The following TBXAS1 variants were observed in gnomAD, a reference collection of about 807,000 sequenced individuals.
TBXAS1 encodes thromboxane A synthase 1, also known as thromboxane-A synthase.
Under a neutral mutation model 60.7 loss-of-function variants are expected in TBXAS1, and 48 were observed. The ratio of observed to expected loss-of-function variants is 0.79; its 90% CI spans 0.63 to 1.01. The LOEUF (loss-of-function observed/expected upper bound fraction) is 1.01. Ranked by LOEUF, TBXAS1 falls within the 50% of genes least tolerant of loss-of-function variation. The probability of loss-of-function intolerance (pLI) is 0.00; values close to 1 mark genes in which losing one functional copy is unlikely to be tolerated. For synonymous variants in TBXAS1, 287 were observed against 269.7 expected, an observed-to-expected ratio of 1.06 and a Z score of -0.63; for missense variants, 685 against 686.3, an observed-to-expected ratio of 1.00 and a Z score of 0.02.
At chr7:139,940,602 G>A (rs1423110789) in intron 5 of TBXAS1, among the ~76,000 whole-genome samples, 1 of 151,956 alleles carries the variant, frequency 6.6e-6, no homozygotes, top group African/African-American at 2.4e-5. Context: ...CTCCAGGCTC[G>A]AAGGACCTGG....
At chr7:139,952,201 G>A (rs972937222) in intron 5 of TBXAS1, among the ~76,000 whole-genome samples, 4 of 152,146 alleles carry the variant, frequency 2.6e-5, no homozygotes, top group Admixed American at 6.5e-5. Flanking sequence ...TACCTTCTGA[G>A]AAGCAGATTA....
chr7:139,861,074 T>G (rs1383099174), intron 1 of TBXAS1, among the ~76,000 whole-genome samples: 1 of 151,298 alleles, frequency 6.6e-6, no homozygotes, highest in Non-Finnish European at 1.5e-5. Flanking sequence ...CTTGGGAGGC[T>G]GAGGCAGGAG....
chr7:139,836,100 T>C (rs1416798406), intron 1 of TBXAS1, among the ~76,000 whole-genome samples: 1 of 151,452 alleles, frequency 6.6e-6, no homozygotes, highest in Admixed American at 6.6e-5. Flanking sequence ...CTTAGGAACA[T>C]ACCTAACCAA....
chr7:140,015,946 A>C (rs1354623954), intron 11 of TBXAS1, 86 bp downstream of exon 11: 11 of 1,589,748 alleles, frequency 6.9e-6, no homozygotes, highest in African/African-American at 1.3e-5. Context: ...GCCGGGAGGC[A>C]CAGACTTAGC....
chr7:139,888,193 A>G (rs963277258), intron 3 of TBXAS1, among the ~76,000 whole-genome samples: 5 of 152,328 alleles, frequency 3.3e-5, no homozygotes, highest in African/African-American at 1.2e-4. Context: ...GTCCTCACCC[A>G]GAGCTCCTTC....
At chr7:139,989,093 G>T (rs1027819538) in intron 9 of TBXAS1, among the ~76,000 whole-genome samples, 1 of 152,194 alleles carries the variant, frequency 6.6e-6, no homozygotes, top group Non-Finnish European at 1.5e-5. Context: ...TCTTCCTCCC[G>T]CTCCTGCCCT....
At position 139,999,781 on chromosome 7, in the gene TBXAS1, G is replaced by C. The variant is rs1437069851; in HGVS notation, c.1135-7310G>C. On this transcript the variant is annotated intron_variant, in intron 9 of 12. Transcript: ENST00000448866. The surrounding 1 kb of genome is among the most constrained non-coding windows in gnomAD (Gnocchi z 4.3). ...GGCCTACTTCTTAGTATAAGACCAA[G>C]TCTAGTGACAGCTGGGTAGGCATAA... 6.6e-6 allele frequency among the ~76,000 whole-genome samples: 1 copy of C among 152,192 alleles called. No individual in the cohort carries two copies. The highest frequency in any genetic ancestry group is 1.5e-5 in the Non-Finnish European group (1 of 68,046).
At chr7:139,970,542 A>G (rs1303166054) in intron 9 of TBXAS1, among the ~76,000 whole-genome samples, 2 of 152,232 alleles carry the variant, frequency 1.3e-5, no homozygotes, top group Admixed American at 1.3e-4. Context: ...GCAAGTATGT[A>G]TTCCTCATGA....
rs140885729 is a variant in TBXAS1 at position 139,929,407 on chromosome 7, T to G, written c.334-6784T>G. Among the ~76,000 whole-genome samples the G allele has an allele frequency of 5.1e-4, 78 of 152,154 alleles. No homozygotes were observed. In the Middle Eastern group the frequency reaches 0.024, roughly 46 times the overall value. ...TTATGTGATGGAGTGATGGCTAATT[T>G]AGTGATGGAGTGGGTGGTTTCGTGG... is the stretch of plus-strand genomic sequence containing the variant. On this transcript the variant is annotated intron_variant, in intron 4 of 12. Transcript: ENST00000448866.
At chr7:140,010,635 C>G (rs1027987326) in intron 10 of TBXAS1, among the ~76,000 whole-genome samples, 1 of 152,234 alleles carries the variant, frequency 6.6e-6, no homozygotes, top group East Asian at 1.9e-4. Context: ...GCTGCCTGCC[C>G]TGGTTTCAGT....
chr7:139,902,905 CTG>C (rs1447145839), intron 3 of TBXAS1, among the ~76,000 whole-genome samples: 1 of 152,116 alleles, frequency 6.6e-6, no homozygotes, highest in Non-Finnish European at 1.5e-5. Flanking sequence ...TGTATATCCT[CTG>C]TAGTGAAATG....
At chr7:139,904,139 A>T (rs969738749) in intron 3 of TBXAS1, among the ~76,000 whole-genome samples, 5 of 152,020 alleles carry the variant, frequency 3.3e-5, no homozygotes, top group African/African-American at 4.8e-5. Context: ...ATGAGAGATG[A>T]AGATCCAGTT....
intron 3 of TBXAS1, among the ~76,000 whole-genome samples, chr7:139,899,715 G>A (rs1804425093): frequency 1.3e-5 from 2 of 152,148 alleles, no homozygotes; most frequent in Admixed American, 1.3e-4. Context: ...TGGGCTGGGG[G>A]TTTTCTGGTC....
At chr7:139,899,828 G>C in intron 3 of TBXAS1, among the ~76,000 whole-genome samples, 1 of 152,092 alleles carries the variant, frequency 6.6e-6, no homozygotes, top group Non-Finnish European at 1.5e-5. Flanking sequence ...GCACTGGAGC[G>C]GGTTCAAAGA....
chr7:139,799,299 G>A (rs1477072480), intron 4 of TBXAS1, among the ~76,000 whole-genome samples: 1 of 150,536 alleles, frequency 6.6e-6, no homozygotes, highest in Non-Finnish European at 1.5e-5. Context: ...GCACAATCTC[G>A]GCTCACTGCA....
chr7:139,808,568 C>A (rs1797936089), intron 4 of TBXAS1, among the ~76,000 whole-genome samples: 1 of 152,072 alleles, frequency 6.6e-6, no homozygotes, highest in Non-Finnish European at 1.5e-5. Context: ...AGCGAGCAGC[C>A]CTCCTGAGCT....
At chr7:140,006,980 G>C in intron 9 of TBXAS1, 111 bp from the exon 10 acceptor site, 2 of 1,073,362 alleles carry the variant, frequency 1.9e-6, no homozygotes, top group Non-Finnish European at 2.9e-6. Context: ...TGGGGTTTCT[G>C]TTTAAATGTT....
chr7:139,907,224 G>A (rs1393945520), intron 3 of TBXAS1, among the ~76,000 whole-genome samples: 1 of 152,138 alleles, frequency 6.6e-6, no homozygotes, highest in East Asian at 1.9e-4. Flanking sequence ...TCCTGAGAGT[G>A]TTTATCATGA....
chr7:139,815,143 AAAACC>A (rs1487567245), intron 4 of TBXAS1, among the ~76,000 whole-genome samples: 1 of 152,254 alleles, frequency 6.6e-6, no homozygotes, highest in South Asian at 2.1e-4. Flanking sequence ...ATGTAAATTT[AAAACC>A]AACATTAGGA....
Sources: gnomAD v4.1 joint callset for allele counts (sites outside exome capture counted in the v4.1 genomes callset) on GRCh38, gnomAD v4.1.1 for gene constraint, Gnocchi (gnomAD v3.1) non-coding constraint, MANE v1.5 for transcripts, NCBI Gene and HGNC (gene_info 2026-07-23, HGNC 2026-07-21) for gene names.